The following PTPN4 variants were observed in gnomAD, a reference collection of about 807,000 sequenced individuals.
PTPN4 encodes the protein tyrosine-protein phosphatase non-receptor type 4.
Under a neutral mutation model 135.5 loss-of-function variants are expected in PTPN4, and 49 were observed. The ratio of observed to expected loss-of-function variants is 0.36; its 90% CI spans 0.29 to 0.46. The LOEUF (loss-of-function observed/expected upper bound fraction) is 0.46, where lower values mean the gene tolerates loss of function less well. Ranked by LOEUF, PTPN4 falls within the 20% of genes least tolerant of loss-of-function variation. The probability of loss-of-function intolerance (pLI) is 1.00; values close to 1 mark genes in which losing one functional copy is unlikely to be tolerated. For missense variants in PTPN4, 860 were observed against 1,101.0 expected, an observed-to-expected ratio of 0.78 and a Z score of 3.10; for synonymous variants, 333 against 369.9, an observed-to-expected ratio of 0.90 and a Z score of 1.14.
At chr2:119,901,845 TG>T (rs1678408950) in intron 10 of PTPN4, among the ~76,000 whole-genome samples, 1 of 152,080 alleles carries the variant, frequency 6.6e-6, no homozygotes, top group Non-Finnish European at 1.5e-5. Context: ...AAATGAAGAA[TG>T]CCTTTGGTCT....
intron 1 of PTPN4, among the ~76,000 whole-genome samples, chr2:119,805,396 T>G (rs1321807805): frequency 6.6e-6 from 1 of 152,262 alleles, no homozygotes; most frequent in Non-Finnish European, 1.5e-5. Context: ...ATTGCCTAGG[T>G]TTTCTTCTAG....
intron 2 of PTPN4, among the ~76,000 whole-genome samples, chr2:119,814,618 T>G (rs1224667236): frequency 6.6e-6 from 1 of 152,178 alleles, no homozygotes; most frequent in Admixed American, 6.5e-5. Flanking sequence ...GAAGTTGCTT[T>G]TCATTTTCCA....
At chr2:119,806,129 A>C (rs940010208) in intron 1 of PTPN4, among the ~76,000 whole-genome samples, 4 of 152,222 alleles carry the variant, frequency 2.6e-5, no homozygotes, top group Non-Finnish European at 4.4e-5. Context: ...AAAACATGCC[A>C]AATTGTAAAG....
chr2:119,835,680 T>C (rs747641651), intron 2 of PTPN4, among the ~76,000 whole-genome samples: 15 of 152,246 alleles, frequency 9.9e-5, no homozygotes, highest in Admixed American at 2.0e-4. Flanking sequence ...ACAGACTTTC[T>C]TTCTTACTGA....
At chr2:119,799,077 T>C (rs932503784) in intron 1 of PTPN4, among the ~76,000 whole-genome samples, 14 of 152,358 alleles carry the variant, frequency 9.2e-5, no homozygotes, top group African/African-American at 3.1e-4. Context: ...CAATCATCTT[T>C]CATAGTTGTT....
At chr2:119,909,112 A>G (rs955920385) in intron 10 of PTPN4, among the ~76,000 whole-genome samples, 1 of 152,204 alleles carries the variant, frequency 6.6e-6, no homozygotes, top group South Asian at 2.1e-4. Flanking sequence ...GCTGCAGGTT[A>G]TACAGAATAT....
intron 26 of PTPN4, among the ~76,000 whole-genome samples, chr2:119,970,864 C>T (rs550011979): frequency 2.6e-5 from 4 of 152,328 alleles, no homozygotes; most frequent in East Asian, 1.9e-4. Context: ...TTTTGAGGAA[C>T]GGCCAGTTGT....
intron 12 of PTPN4, among the ~76,000 whole-genome samples, chr2:119,923,692 GGT>G (rs1458045530): frequency 8.0e-4 from 121 of 151,668 alleles, no homozygotes; most frequent in African/African-American, 2.6e-3. Context: ...CTTTTTATCA[GGT>G]ATAAAAAGTT....
intron 1 of PTPN4, among the ~76,000 whole-genome samples, chr2:119,766,450 G>GCA (rs1491192149): frequency 1.5e-4 from 6 of 40,568 alleles, no homozygotes; most frequent in Admixed American, 5.2e-4. Flanking sequence ...ATGTGCGCGC[G>GCA]TGTGTGTGTG....
At chr2:119,837,894 C>T (rs1049380589) in intron 2 of PTPN4, among the ~76,000 whole-genome samples, 1 of 152,216 alleles carries the variant, frequency 6.6e-6, no homozygotes, top group Admixed American at 6.5e-5. Context: ...ATGCCAGTGC[C>T]TGGGGCTGCC....
At chr2:119,772,560 C>T (rs937327153) in intron 1 of PTPN4, among the ~76,000 whole-genome samples, 5 of 152,022 alleles carry the variant, frequency 3.3e-5, no homozygotes, top group African/African-American at 1.2e-4. Flanking sequence ...TTTTTTGAGG[C>T]GGACTTTTGC....
chr2:119,946,240 CTA>C (rs1271162927), intron 16 of PTPN4, 99 bp from the exon 17 acceptor site: 114 of 865,056 alleles, frequency 1.3e-4, no homozygotes, highest in Non-Finnish European at 1.9e-4. Context: ...TTTTTACAAA[CTA>C]TGCATAATAT....
intron 2 of PTPN4, among the ~76,000 whole-genome samples, chr2:119,830,628 C>A (rs1219077307): frequency 6.6e-6 from 1 of 152,082 alleles, no homozygotes; most frequent in African/African-American, 2.4e-5. Context: ...GTCACCACGC[C>A]CCGCTAATTT....
chr2:119,872,886 A>T (rs902407468), intron 3 of PTPN4, among the ~76,000 whole-genome samples: 1 of 152,244 alleles, frequency 6.6e-6, no homozygotes, highest in African/African-American at 2.4e-5. Context: ...AGTGATACTG[A>T]AACAGATGAA....
chr2:119,903,875 C>G (rs1420713176), intron 10 of PTPN4, among the ~76,000 whole-genome samples: 1 of 152,168 alleles, frequency 6.6e-6, no homozygotes, highest in Admixed American at 6.5e-5. Context: ...ACACCCTAAG[C>G]CACTGAGGAA....
At chr2:119,821,394 A>G (rs560206254) in intron 2 of PTPN4, among the ~76,000 whole-genome samples, 179 of 152,122 alleles carry the variant, frequency 1.2e-3, no homozygotes, top group Non-Finnish European at 1.7e-3. Context: ...TCTGGCCTCT[A>G]TAATTTTTAG....
chr2:119,792,556 C>T (rs1463944490), intron 1 of PTPN4, among the ~76,000 whole-genome samples: 3 of 152,240 alleles, frequency 2.0e-5, no homozygotes, highest in African/African-American at 7.2e-5. Flanking sequence ...TTATATTTAC[C>T]ATCACTGAAA....
chr2:119,833,065 T>G (rs992186667), intron 2 of PTPN4, among the ~76,000 whole-genome samples: 2 of 152,206 alleles, frequency 1.3e-5, no homozygotes, highest in African/African-American at 4.8e-5. Flanking sequence ...TCTATCATTC[T>G]GTTCCCTTTT....
intron 2 of PTPN4, among the ~76,000 whole-genome samples, chr2:119,835,647 CATT>C (rs778722335): frequency 5.9e-5 from 9 of 152,166 alleles, no homozygotes; most frequent in East Asian, 1.9e-4. Context: ...TTGGACTAAA[CATT>C]ATGGAACGAA....
Sources: gnomAD v4.1 joint callset for allele counts (sites outside exome capture counted in the v4.1 genomes callset) on GRCh38, gnomAD v4.1.1 for gene constraint, MANE v1.5 for transcripts, NCBI Gene and HGNC (gene_info 2026-07-23, HGNC 2026-07-21) for gene names.